Variants in DDX11 observed in about 807,000 individuals in gnomAD.
DDX11 encodes the protein ATP-dependent DNA helicase DDX11.
A neutral mutation model predicts 125.2 loss-of-function variants in DDX11; 72 were observed. That is an observed-to-expected ratio of 0.58 (90% CI 0.48 to 0.70). DDX11 has a LOEUF of 0.70. Among genes scored for constraint, DDX11 ranks in the 30% least tolerant of loss-of-function variants. DDX11 has a pLI of 0.00. For synonymous variants in DDX11, 347 were observed against 452.6 expected (o/e 0.77, Z 2.96); for missense variants, 883 against 1,165.0 (o/e 0.76, Z 3.52).
chr12:31,096,293 G>A (rs780933429), intron 14 of DDX11, 48 bp from the exon 15 acceptor site: 1 of 1,420,054 alleles, frequency 7.0e-7, no homozygotes, highest in Non-Finnish European at 9.8e-7. Context: ...TAAGATTATA[G>A]CTTGCTCAGT....
chr12:31,080,583 T>A (rs911701845), intron 2 of DDX11, among the ~76,000 whole-genome samples: 11 of 124,516 alleles, frequency 8.8e-5, no homozygotes, highest in African/African-American at 3.4e-4. Flanking sequence ...TGGGGACACT[T>A]GGGCTTGAGT....
chr12:31,080,028 T>G (rs1941565458), intron 2 of DDX11, among the ~76,000 whole-genome samples: 1 of 128,574 alleles, frequency 7.8e-6, no homozygotes, highest in African/African-American at 3.2e-5. Flanking sequence ...AGGGTATACG[T>G]CCGTTTGGAG....
rs1424342497 is a variant in DDX11 at position 31,104,103 on chromosome 12, A to T, written c.*267A>T. 4.0e-6 allele frequency: 6 copies of T among 1,503,078 alleles called. No homozygotes were observed. In the East Asian group the frequency reaches 1.5e-4, roughly 37 times the overall value. 93.1% of individuals were successfully genotyped at this position (1,503,078 alleles called of 1,614,324 possible). A position where few individuals can be genotyped will look rare whatever the true frequency, so the allele number is the denominator to read the frequency against. On this transcript the variant is annotated 3_prime_UTR_variant, in exon 27 of 27. Coordinates refer to ENST00000542838, the MANE Select transcript of DDX11 (RefSeq NM_030653.4). The stretch of plus-strand genomic sequence containing the variant: ...CTCCTGGAATAGAATCTTTCTTTCC[A>T]TCCTGCATGGCTGAGAGCCAGGCTT...
intron 5 of DDX11, chr12:31,086,142 A>G (rs911925799): frequency 2.2e-6 from 1 of 453,806 alleles, no homozygotes; most frequent in Non-Finnish European, 4.4e-6. Context: ...TGCTCATGCA[A>G]CGTGCTGTGG....
intron 9 of DDX11, 173 bp from the exon 10 acceptor site, chr12:31,091,545 CT>C: frequency 1.6e-6 from 1 of 640,536 alleles, no homozygotes. Context: ...CATGTATTGG[CT>C]TTTCATGTGA....
intron 2 of DDX11, among the ~76,000 whole-genome samples, chr12:31,079,637 G>C (rs1941455970): frequency 1.3e-5 from 2 of 150,338 alleles, no homozygotes; most frequent in South Asian, 4.2e-4. Context: ...GAGTCACATG[G>C]CGGGGTTAGG....
chr12:31,098,157 C>T (rs1197468245), intron 18 of DDX11, among the ~76,000 whole-genome samples, 160 bp downstream of exon 18: 66 of 152,106 alleles, frequency 4.3e-4, no homozygotes, highest in Admixed American at 1.4e-3. Flanking sequence ...CTGCTATTCT[C>T]TCACTGCTGT....
In DDX11 at chr12:31,086,395, C is replaced by T. The variant is rs576771782; in HGVS notation, c.638+1269C>T. ...GGCATAGGGGTGTGCTCAATAAAAT[C>T]GAGTTGACATGAATGAGCAGATGCT... On this transcript the variant is annotated intron_variant, in intron 5 of 26. Transcript: ENST00000542838. 4.6e-5 allele frequency among the ~76,000 whole-genome samples: 7 copies of T among 152,188 alleles called. No individual in the cohort carries two copies. The East Asian group carries it at 1.2e-3, about 26-fold the overall frequency.
rs1443786616 is a variant in DDX11 at position 31,104,577 on chromosome 12, C to G, written c.*741C>G. On this transcript the variant is annotated 3_prime_UTR_variant, in exon 27 of 27. Transcript: ENST00000542838. ...AGAGACCCCGTGTCATCACGGAGAC[C>G]TTTGTTCCTGTGGGAAAATATCCCT... is the stretch of plus-strand genomic sequence containing the variant. The G allele has an allele frequency of 6.4e-6, 1 of 155,856 alleles. No individual in the cohort carries two copies. The highest frequency in any genetic ancestry group is 1.4e-5 in the Non-Finnish European group (1 of 70,284). The allele number at this position is 155,856 out of a possible 1,614,324, so 9.7% of individuals were successfully genotyped here.
intron 2 of DDX11, among the ~76,000 whole-genome samples, chr12:31,080,870 G>C (rs142289055): frequency 1.6e-3 from 238 of 152,244 alleles, no homozygotes; most frequent in Non-Finnish European, 3.0e-3. Context: ...TCAGCCTCCT[G>C]AGCAGCTGGG....
At position 31,101,886 on chromosome 12, in the gene DDX11, G is replaced by A. The variant is rs1336439404; in HGVS notation, c.2106G>A (p.Gly702=). Residue 702 remains glycine (G), a synonymous_variant, in exon 21 of 27, where the codon GGG becomes GGA. Coordinates refer to ENST00000542838, the MANE Select transcript of DDX11 (RefSeq NM_030653.4). ...ACCTGTGCGGTGTGGTTCCTGGAGG[G>A]GTGGTCTGTTTCTTCCCCTCCTACG... is the stretch of plus-strand genomic sequence containing the variant. ...LCNLCGVVPG[G]VVCFFPSYEY... 6.2e-7 allele frequency: 1 copy of A among 1,613,964 alleles called. No homozygotes were observed.
intron 1 of DDX11, among the ~76,000 whole-genome samples, chr12:31,074,659 G>C (rs2140357657): frequency 6.6e-6 from 1 of 152,374 alleles, no homozygotes; most frequent in Admixed American, 6.5e-5. Context: ...AGGTGGGAAT[G>C]CGGGTATTAT....
intron 7 of DDX11, 113 bp downstream of exon 7, chr12:31,089,264 G>A (rs1943729137): frequency 1.5e-6 from 2 of 1,343,680 alleles, no homozygotes; most frequent in Admixed American, 1.8e-5. Flanking sequence ...TGAACCGTGT[G>A]AGGAGCAGCC....
intron 20 of DDX11, chr12:31,101,341 G>A (rs941690376): frequency 1.3e-4 from 76 of 605,546 alleles, no homozygotes; most frequent in Middle Eastern, 4.4e-4. Flanking sequence ...CTTAGGCTGC[G>A]AAATATGTAT....
chr12:31,092,679 A>C (rs920561069), intron 10 of DDX11, among the ~76,000 whole-genome samples, 167 bp from the exon 11 acceptor site: 1 of 152,182 alleles, frequency 6.6e-6, no homozygotes, highest in Non-Finnish European at 1.5e-5. Context: ...AGCTCCCACC[A>C]GCCTAAGGGC....
At chr12:31,076,492 A>G (rs1484649267) in intron 1 of DDX11, among the ~76,000 whole-genome samples, 1 of 152,052 alleles carries the variant, frequency 6.6e-6, no homozygotes, top group Admixed American at 6.5e-5. Context: ...ATCTCTTGCA[A>G]CCGGATGAGC....
Position 31,084,566 on chromosome 12 carries a change from A to C in DDX11, c.394-17A>C. On this transcript the variant is annotated splice_polypyrimidine_tract_variant and intron_variant, in intron 3 of 26. Transcript: ENST00000542838. ...TGGGCTTCCTTGGTGATTTTCCTTC[A>C]TGTCTGCCTCCTGTAGGCGGAGCAG... The C allele has an allele frequency of 6.3e-7, 1 of 1,587,930 alleles. No homozygotes were observed. Among genetic ancestry groups the C allele is most frequent in the Non-Finnish European group, 8.6e-7 (1 of 1,164,766 alleles).
At position 31,085,011 on chromosome 12, in the gene DDX11, A is replaced by C; in HGVS notation, c.523A>C (p.Arg175=). ...EERENLLRLS[R]EMLETGPEAE... ...AAGAGAGAATCTCCTCCGCCTCAGC[A>C]GGGAGATGCTAGAGACAGGCCCGGA... The change falls in exon 5 of 27, where the codon AGG becomes CGG. Residue 175 remains arginine, a synonymous_variant. Transcript: ENST00000542838. 6.2e-7 allele frequency: 1 copy of C among 1,611,512 alleles called. No homozygotes were observed. Among genetic ancestry groups the C allele is most frequent in the Non-Finnish European group, 8.5e-7 (1 of 1,178,706 alleles).
chr12:31,085,585 G>C (rs1179031688), intron 5 of DDX11, among the ~76,000 whole-genome samples: 5 of 152,164 alleles, frequency 3.3e-5, no homozygotes, highest in Admixed American at 6.5e-5. Flanking sequence ...AGCCTCTGTT[G>C]GTCCAGACTC....
Sources: allele counts gnomAD v4.1 joint callset (sites outside exome capture counted in the v4.1 genomes callset), GRCh38; gene constraint gnomAD v4.1.1; transcripts MANE v1.5; gene names NCBI Gene and HGNC (gene_info 2026-07-23, HGNC 2026-07-21).